Variants in NPAS3 observed in about 807,000 individuals in gnomAD.
NPAS3 encodes neuronal PAS domain-containing protein 3.
In NPAS3, 14 loss-of-function variants were observed where a neutral mutation model predicts 73.1. The ratio of observed to expected loss-of-function variants is 0.19; its 90% CI spans 0.13 to 0.30. The LOEUF is 0.30. Ranked by LOEUF, NPAS3 falls within the 10% of genes least tolerant of loss-of-function variation. NPAS3 has a pLI of 1.00. For missense variants in NPAS3, 1,096 were observed against 1,250.0 expected, an observed-to-expected ratio of 0.88 and a Z score of 1.86; for synonymous variants, 620 against 541.5, an observed-to-expected ratio of 1.14 and a Z score of -2.01.
chr14:33,125,068 T>A (rs2043376818), intron 2 of NPAS3, among the ~76,000 whole-genome samples: 1 of 152,038 alleles, frequency 6.6e-6, no homozygotes, highest in African/African-American at 2.4e-5. Context: ...ATATGTGTTC[T>A]TTTTCCCACT....
At chr14:33,377,771 A>G (rs1349279944) in intron 4 of NPAS3, among the ~76,000 whole-genome samples, 1 of 152,198 alleles carries the variant, frequency 6.6e-6, no homozygotes, top group Non-Finnish European at 1.5e-5. Context: ...CTAGTGCAAT[A>G]GTAAATGGGG....
rs978323956 is a variant in NPAS3, at chr14:33,758,403, G to A, written c.853-15934G>A. ...GATGGCTCTCCTCTTTGCTACTTCT[G>A]CACGGGGCATCCCTCTGCAGGTCTC... On this transcript the variant is annotated intron_variant, in intron 7 of 11. Transcript: ENST00000356141. Among the ~76,000 whole-genome samples, 5 of 152,154 alleles carry A rather than the reference G, an allele frequency of 3.3e-5. No homozygotes were observed. The South Asian group carries it at 8.3e-4, about 25-fold the overall frequency.
intron 5 of NPAS3, among the ~76,000 whole-genome samples, chr14:33,617,137 A>G (rs1310019772): frequency 1.3e-5 from 2 of 152,218 alleles, no homozygotes; most frequent in Admixed American, 1.3e-4. Flanking sequence ...CAAGGCTTTT[A>G]GGAATAGCCT....
chr14:33,341,950 G>A (rs192951753), intron 3 of NPAS3, among the ~76,000 whole-genome samples: 124 of 152,236 alleles, frequency 8.1e-4, no homozygotes, highest in African/African-American at 2.5e-3. Context: ...TTCAGTCGTC[G>A]TTTCTGGTTT....
At chr14:33,207,639 T>G (rs1327349158) in intron 2 of NPAS3, among the ~76,000 whole-genome samples, 2 of 152,186 alleles carry the variant, frequency 1.3e-5, no homozygotes, top group African/African-American at 4.8e-5. Flanking sequence ...CCAACAGCAT[T>G]CTTTTCCACA....
chr14:33,197,384 A>G (rs947620190), intron 2 of NPAS3, among the ~76,000 whole-genome samples: 2 of 152,106 alleles, frequency 1.3e-5, no homozygotes, highest in Admixed American at 6.5e-5. Context: ...AGTGAAATTG[A>G]CTAGAATGGT....
chr14:33,680,461 G>C (rs983251328), intron 6 of NPAS3: 17 of 621,018 alleles, frequency 2.7e-5, no homozygotes, highest in Middle Eastern at 3.9e-4. Flanking sequence ...TTCTGTTCCT[G>C]TTCCTGTGTA....
At chr14:33,576,783 C>T (rs900794215) in intron 5 of NPAS3, among the ~76,000 whole-genome samples, 3 of 152,080 alleles carry the variant, frequency 2.0e-5, no homozygotes, top group Non-Finnish European at 4.4e-5. Context: ...CTGCTGTTTG[C>T]GAGACATTCC....
At chr14:33,140,484 T>C (rs2044005529) in intron 2 of NPAS3, among the ~76,000 whole-genome samples, 1 of 152,124 alleles carries the variant, frequency 6.6e-6, no homozygotes, top group South Asian at 2.1e-4. Flanking sequence ...CACTGGCCAG[T>C]GTGTCTTATT....
chr14:32,972,138 C>T (rs1321920732), intron 1 of NPAS3, among the ~76,000 whole-genome samples: 1 of 151,692 alleles, frequency 6.6e-6, no homozygotes, highest in Non-Finnish European at 1.5e-5. Context: ...CAGAGTTTCA[C>T]CATGTTAGCC....
intron 4 of NPAS3, among the ~76,000 whole-genome samples, chr14:33,543,146 T>C (rs1186611265): frequency 6.6e-6 from 1 of 152,204 alleles, no homozygotes; most frequent in East Asian, 1.9e-4. Flanking sequence ...CCTTCCCTCA[T>C]CTCTTTCTGT....
chr14:33,063,222 CT>C (rs1004282771), intron 2 of NPAS3, among the ~76,000 whole-genome samples: 2 of 152,136 alleles, frequency 1.3e-5, no homozygotes, highest in Non-Finnish European at 2.9e-5. Context: ...CATTACTGAT[CT>C]TTTACCAGAT....
intron 6 of NPAS3, among the ~76,000 whole-genome samples, chr14:33,709,529 A>T (rs1166386076): frequency 6.6e-6 from 1 of 152,204 alleles, no homozygotes; most frequent in Non-Finnish European, 1.5e-5. Context: ...GTCAGAGAGT[A>T]ACAGCACAAG....
rs559586265 is a variant in NPAS3, at chr14:33,363,053, T to C, written c.386-4133T>C. On this transcript the variant is annotated intron_variant, in intron 3 of 11. Transcript: ENST00000356141. ...CAAGGCAAGTAGGGCTCGTGACTTT[T>C]CCCCTTTCATTATGTGTGTCCACCG... 3.9e-5 allele frequency among the ~76,000 whole-genome samples: 6 copies of C among 152,198 alleles called. No individual in the cohort carries two copies. The East Asian group carries it at 1.2e-3, about 29-fold the overall frequency.
intron 4 of NPAS3, among the ~76,000 whole-genome samples, chr14:33,543,961 A>ATC (rs1566988416): frequency 7.2e-4 from 16 of 22,120 alleles, no homozygotes; most frequent in African/African-American, 6.5e-3. Context: ...ATATATATAT[A>ATC]TATATATATA....
intron 9 of NPAS3, 66 bp from the exon 10 acceptor site, chr14:33,793,831 A>T (rs1389904857): frequency 1.9e-4 from 60 of 318,184 alleles, no homozygotes; most frequent in Middle Eastern, 1.2e-3. Context: ...GCAGAGATAA[A>T]AAAAAAAAAA....
At chr14:33,180,799 C>CAA (rs1555350930) in intron 2 of NPAS3, among the ~76,000 whole-genome samples, 2,154 of 69,030 alleles carry the variant, frequency 0.031, 217 homozygotes, top group African/African-American at 0.057. Context: ...ACACTGTCTC[C>CAA]AAGAAAAAAA....
chr14:33,209,541 AG>A (rs1370116116), intron 2 of NPAS3, among the ~76,000 whole-genome samples: 1 of 152,208 alleles, frequency 6.6e-6, no homozygotes, highest in African/African-American at 2.4e-5. Flanking sequence ...AGGTGTTCAA[AG>A]GTTCATGAGT....
intron 1 of NPAS3, among the ~76,000 whole-genome samples, chr14:33,034,712 C>A (rs931116802): frequency 6.6e-6 from 1 of 151,950 alleles, no homozygotes; most frequent in Non-Finnish European, 1.5e-5. Flanking sequence ...CTTAGTAACC[C>A]CAGATAGTCC....
Sources: allele counts gnomAD v4.1 joint callset (sites outside exome capture counted in the v4.1 genomes callset), GRCh38; gene constraint gnomAD v4.1.1; transcripts MANE v1.5; gene names NCBI Gene and HGNC (gene_info 2026-07-23, HGNC 2026-07-21).